Variants in NRG3 observed in about 807,000 individuals in gnomAD.
NRG3 encodes neuregulin 3, also known as pro-neuregulin-3, membrane-bound isoform.
NRG3 carries 31 observed loss-of-function variants against 66.9 expected under a neutral mutation model. That is an observed-to-expected ratio of 0.46 (90% CI 0.35 to 0.63). The LOEUF (loss-of-function observed/expected upper bound fraction) is 0.63. Ranked by LOEUF, NRG3 falls within the 20% of genes least tolerant of loss-of-function variation. The probability of loss-of-function intolerance (pLI) is 0.00; values close to 1 mark genes in which losing one functional copy is unlikely to be tolerated. For synonymous variants in NRG3, 393 were observed against 359.4 expected (o/e 1.09, Z -1.06); for missense variants, 910 against 878.9 (o/e 1.04, Z -0.45).
chr10:82,375,163 G>A (rs1292181807), intron 2 of NRG3, among the ~76,000 whole-genome samples: 1 of 152,182 alleles, frequency 6.6e-6, no homozygotes, highest in Non-Finnish European at 1.5e-5. Context: ...GGATGAAGAA[G>A]CACTTCTTAG....
At chr10:82,848,665 T>C (rs2063421610) in intron 3 of NRG3, among the ~76,000 whole-genome samples, 1 of 152,176 alleles carries the variant, frequency 6.6e-6, no homozygotes, top group Non-Finnish European at 1.5e-5. Context: ...TGATATGATT[T>C]GGCTGTCTCC....
chr10:82,328,465 A>T (rs2081980357), intron 1 of NRG3, among the ~76,000 whole-genome samples: 1 of 152,230 alleles, frequency 6.6e-6, no homozygotes, highest in Non-Finnish European at 1.5e-5. Context: ...GACCAGGATA[A>T]TTAGCATAGC....
At chr10:82,536,684 A>C (rs1367123403) in intron 2 of NRG3, among the ~76,000 whole-genome samples, 1 of 152,014 alleles carries the variant, frequency 6.6e-6, no homozygotes, top group Non-Finnish European at 1.5e-5. Context: ...ATGAATTACC[A>C]TGTTGTAGTA....
At chr10:82,714,354 A>G (rs1237330158) in intron 2 of NRG3, among the ~76,000 whole-genome samples, 3 of 152,190 alleles carry the variant, frequency 2.0e-5, no homozygotes, top group Non-Finnish European at 2.9e-5. Context: ...TTTCCTTTCC[A>G]CAGTAAGATG....
chr10:81,891,508 A>G (rs1469187171), intron 1 of NRG3, among the ~76,000 whole-genome samples: 1 of 152,116 alleles, frequency 6.6e-6, no homozygotes, highest in African/African-American at 2.4e-5. Context: ...TGAACAGAAG[A>G]CCCTGATGAA....
chr10:82,120,634 G>A (rs556417203), intron 1 of NRG3, among the ~76,000 whole-genome samples: 2 of 152,212 alleles, frequency 1.3e-5, no homozygotes, highest in East Asian at 3.9e-4. Flanking sequence ...TATTTCAATT[G>A]TACTGTCTAC....
chr10:82,840,985 G>A (rs576359205), intron 3 of NRG3, among the ~76,000 whole-genome samples: 1 of 152,246 alleles, frequency 6.6e-6, no homozygotes, highest in Admixed American at 6.5e-5. Flanking sequence ...GTCTGCAGAT[G>A]TAACCAAGTT....
At chr10:82,547,647 A>T (rs1226770177) in intron 2 of NRG3, among the ~76,000 whole-genome samples, 1 of 151,814 alleles carries the variant, frequency 6.6e-6, no homozygotes, top group Non-Finnish European at 1.5e-5. Flanking sequence ...ATATATATAT[A>T]TTTATGCACA....
At chr10:82,365,693 T>C (rs1435662489) in intron 2 of NRG3, among the ~76,000 whole-genome samples, 1 of 152,160 alleles carries the variant, frequency 6.6e-6, no homozygotes, top group African/African-American at 2.4e-5. Context: ...TGGATATGGA[T>C]ATTTAAGTAT....
At chr10:82,019,271 T>C (rs1376990648) in intron 1 of NRG3, among the ~76,000 whole-genome samples, 1 of 152,204 alleles carries the variant, frequency 6.6e-6, no homozygotes, top group African/African-American at 2.4e-5. Flanking sequence ...CAGCCTTGCA[T>C]CCCAGGGATG....
At chr10:82,139,376 A>T (rs1470914189) in intron 1 of NRG3, among the ~76,000 whole-genome samples, 7 of 152,198 alleles carry the variant, frequency 4.6e-5, no homozygotes, top group Non-Finnish European at 1.0e-4. Context: ...TGACACCATC[A>T]TGCTTCAGTA....
intron 1 of NRG3, among the ~76,000 whole-genome samples, chr10:82,018,065 T>G (rs917646237): frequency 6.6e-6 from 1 of 152,200 alleles, no homozygotes; most frequent in Non-Finnish European, 1.5e-5. Flanking sequence ...TTTATGGTTT[T>G]AGGTCTAATG....
At chr10:82,686,196 T>C (rs12773784) in intron 2 of NRG3, among the ~76,000 whole-genome samples, 1 of 151,830 alleles carries the variant, frequency 6.6e-6, no homozygotes, top group African/African-American at 2.4e-5. Flanking sequence ...TTTTATTTTT[T>C]ATTTTTTGGA....
intron 1 of NRG3, among the ~76,000 whole-genome samples, chr10:82,350,601 T>C (rs1366731357): frequency 6.6e-6 from 1 of 152,162 alleles, no homozygotes; most frequent in Non-Finnish European, 1.5e-5. Flanking sequence ...CTGAAACAAT[T>C]AGAAATTATT....
chr10:82,852,816 A>G (rs144439723), intron 3 of NRG3, among the ~76,000 whole-genome samples: 1,868 of 152,298 alleles, frequency 0.012, 34 homozygotes, highest in African/African-American at 0.038. Flanking sequence ...TATCTTGAAA[A>G]TACATATAGA....
At chr10:81,914,558 C>T (rs1845482474) in intron 1 of NRG3, among the ~76,000 whole-genome samples, 3 of 150,902 alleles carry the variant, frequency 2.0e-5, no homozygotes, top group South Asian at 4.2e-4. Context: ...CATTGCGAGA[C>T]CCTGTTTCTG....
intron 2 of NRG3, among the ~76,000 whole-genome samples, chr10:82,507,442 C>A (rs1330492496): frequency 6.6e-6 from 1 of 152,146 alleles, no homozygotes; most frequent in Non-Finnish European, 1.5e-5. Flanking sequence ...GTAATACAAG[C>A]CTTGGTGCAG....
intron 2 of NRG3, among the ~76,000 whole-genome samples, chr10:82,673,860 A>C (rs1591115978): frequency 6.6e-6 from 1 of 152,322 alleles, no homozygotes; most frequent in East Asian, 1.9e-4. Context: ...GTGACCATTT[A>C]AGCCAGTGTC....
At chr10:82,557,261 G>A (rs1279031668) in intron 2 of NRG3, among the ~76,000 whole-genome samples, 2 of 152,186 alleles carry the variant, frequency 1.3e-5, no homozygotes, top group Non-Finnish European at 2.9e-5. Flanking sequence ...CATCAACAGT[G>A]TATAAGTGTT....
Sources: gnomAD v4.1 joint callset for allele counts (sites outside exome capture counted in the v4.1 genomes callset) on GRCh38, gnomAD v4.1.1 for gene constraint, MANE v1.5 for transcripts, NCBI Gene and HGNC (gene_info 2026-07-23, HGNC 2026-07-21) for gene names.